The following ATAD1 variants were observed in gnomAD, a reference collection of about 807,000 sequenced individuals.
ATAD1 encodes ATPase family AAA domain containing 1.
Under a neutral mutation model 42.7 loss-of-function variants are expected in ATAD1, and 18 were observed. The observed-to-expected ratio is 0.42, with a 90% CI of 0.29 to 0.63. The LOEUF is 0.63. Ranked by LOEUF, ATAD1 falls within the 20% of genes least tolerant of loss-of-function variation. The pLI is 0.19. For synonymous variants in ATAD1, 132 were observed against 143.1 expected, an observed-to-expected ratio of 0.92 and a Z score of 0.55; for missense variants, 294 against 440.4, an observed-to-expected ratio of 0.67 and a Z score of 2.98.
chr10:87,798,271 T>A (rs1856495276), intron 2 of ATAD1, among the ~76,000 whole-genome samples: 1 of 152,120 alleles, frequency 6.6e-6, no homozygotes, highest in Non-Finnish European at 1.5e-5. Context: ...GCTCAGTTCC[T>A]CCTTTTAAGA....
chr10:87,822,774 A>G (rs1857654516), upstream of ATAD1, among the ~76,000 whole-genome samples: 1 of 152,332 alleles, frequency 6.6e-6, no homozygotes, highest in South Asian at 2.1e-4. Context: ...GCATTTTTAA[A>G]TAACTAAAAG....
chr10:87,803,796 A>G (rs1856807617), intron 2 of ATAD1, among the ~76,000 whole-genome samples: 1 of 152,268 alleles, frequency 6.6e-6, no homozygotes. Context: ...GGTTCGCAGT[A>G]CTATGGTGCT....
At position 87,792,766 on chromosome 10, in the gene ATAD1, A is replaced by T; in HGVS notation, c.163-11T>A. 1 of 1,593,386 alleles carries T rather than the reference A, an allele frequency of 6.3e-7. No homozygotes were observed. The highest frequency in any genetic ancestry group is 1.1e-5 in the South Asian group (1 of 90,656). On this transcript the variant is annotated splice_polypyrimidine_tract_variant and intron_variant, in intron 2 of 9. Coordinates refer to ENST00000680024, the MANE Select transcript of ATAD1 (RefSeq NM_001321967.2). ...CATTAGTTTTTCTGCCTAGAATGAAAAGAACAAACAACCTGCTTTGATTTG... is the reference window on the plus strand; with the variant it reads ...CATTAGTTTTTCTGCCTAGAATGAATAGAACAAACAACCTGCTTTGATTTG...
chr10:87,764,977 CAG>C (rs2131784993), intron 8 of ATAD1, among the ~76,000 whole-genome samples: 1 of 152,044 alleles, frequency 6.6e-6, no homozygotes, highest in Admixed American at 6.5e-5. Flanking sequence ...AAACAATAAT[CAG>C]AGACTTGTAC....
chr10:87,825,873 A>G lies in ATAD1; in HGVS notation c.-13-11261T>C, dbSNP rs529654072. On this transcript the variant is annotated intron_variant, in intron 1 of 4. Transcript: ENST00000495903. ...GGAGCCACCATGCCCAGCCAAGTAC[A>G]ACACATTTTTTTGTTTAATTTACTA... Among the ~76,000 whole-genome samples the G allele has an allele frequency of 1.1e-3, 165 of 152,156 alleles. 1 individual carries two copies. Among genetic ancestry groups the G allele is most frequent in the African/African-American group, 3.8e-3 (159 of 41,500 alleles).
intron 1 of ATAD1, among the ~76,000 whole-genome samples, chr10:87,840,311 C>T (rs983097247): frequency 6.6e-6 from 1 of 152,104 alleles, no homozygotes; most frequent in Non-Finnish European, 1.5e-5. Context: ...TAGTGAGACC[C>T]TGTCTCTAAA....
intron 1 of ATAD1, chr10:87,817,956 G>C: frequency 1.0e-6 from 1 of 985,598 alleles, no homozygotes; most frequent in Non-Finnish European, 1.2e-6. Flanking sequence ...AGGCCGGGCC[G>C]GACGCCAAGG....
rs751493059 is a variant in ATAD1 at position 87,752,917 on chromosome 10, G to T, written c.*1770C>A. 2 of 151,978 alleles carry T rather than the reference G, an allele frequency of 1.3e-5. No individual in the cohort carries two copies. The highest frequency in any genetic ancestry group is 1.9e-4 in the East Asian group (1 of 5,188). 9.4% of individuals were successfully genotyped at this position (151,978 alleles called of 1,614,324 possible). On this transcript the variant is annotated 3_prime_UTR_variant, in exon 10 of 10. Transcript: ENST00000680024. Reference sequence around the variant, plus strand: ...GAGGTATACATTACTCCTTATTTTCGATTAATATGTCACCAGATTAAAATT... The same window carrying T: ...GAGGTATACATTACTCCTTATTTTCTATTAATATGTCACCAGATTAAAATT...
At chr10:87,796,525 T>C (rs1167331895) in intron 2 of ATAD1, among the ~76,000 whole-genome samples, 1 of 152,234 alleles carries the variant, frequency 6.6e-6, no homozygotes, top group Non-Finnish European at 1.5e-5. Context: ...CTTACATATG[T>C]TGACTGATGT....
chr10:87,796,074 A>T (rs993309985), intron 2 of ATAD1, among the ~76,000 whole-genome samples: 1 of 152,232 alleles, frequency 6.6e-6, no homozygotes, highest in African/African-American at 2.4e-5. Flanking sequence ...TTTATATAAT[A>T]GATATAATCA....
intron 1 of ATAD1, among the ~76,000 whole-genome samples, chr10:87,825,470 C>T (rs535872033): frequency 1.7e-4 from 26 of 152,064 alleles, no homozygotes; most frequent in East Asian, 5.8e-4. Flanking sequence ...CCACCACACC[C>T]GGCTAATTTT....
chr10:87,762,996 G>A (rs137987020), intron 8 of ATAD1, among the ~76,000 whole-genome samples: 8 of 137,976 alleles, frequency 5.8e-5, no homozygotes, highest in African/African-American at 1.3e-4. Context: ...CAGGAGAATC[G>A]CTTGAACCCA....
intron 9 of ATAD1, among the ~76,000 whole-genome samples, 153 bp from the exon 10 acceptor site, chr10:87,754,960 T>C (rs1323658298): frequency 6.6e-6 from 1 of 152,210 alleles, no homozygotes; most frequent in Admixed American, 6.5e-5. Context: ...CTCTTTACCA[T>C]TCAAGACCCC....
chr10:87,756,447 C>T (rs1854225891), intron 9 of ATAD1, among the ~76,000 whole-genome samples: 1 of 152,154 alleles, frequency 6.6e-6, no homozygotes, highest in African/African-American at 2.4e-5. Context: ...TTTCTTTGTT[C>T]AGTAAATACA....
chr10:87,760,522 A>G (rs1038054998), intron 8 of ATAD1, among the ~76,000 whole-genome samples: 1 of 152,196 alleles, frequency 6.6e-6, no homozygotes, highest in African/African-American at 2.4e-5. Context: ...TAAGTTATCC[A>G]GTCTCAGGTA....
chr10:87,776,511 C>A, intron 5 of ATAD1, 84 bp from the exon 6 acceptor site: 2 of 1,133,652 alleles, frequency 1.8e-6, no homozygotes, highest in Non-Finnish European at 1.3e-6. Context: ...CTCTGTTGCC[C>A]AGGCTGGGGT....
chr10:87,766,593 G>A lies in ATAD1; in HGVS notation c.831+1080C>T, dbSNP rs1035279118. ...AGGCCAGGAGTTTGAGACCAGCCGG[G>A]CCAACATGGTGAAACCATGGTAAAA... On this transcript the variant is annotated intron_variant, in intron 8 of 9. Coordinates refer to ENST00000680024, the MANE Select transcript of ATAD1 (RefSeq NM_001321967.2). Among the ~76,000 whole-genome samples the A allele has an allele frequency of 2.0e-5, 3 of 152,138 alleles. No homozygotes were observed. In the South Asian group the frequency reaches 6.2e-4, roughly 31 times the overall value.
intron 1 of ATAD1, among the ~76,000 whole-genome samples, chr10:87,828,481 G>A (rs1208236969): frequency 6.6e-6 from 1 of 152,212 alleles, no homozygotes; most frequent in Non-Finnish European, 1.5e-5. Context: ...AGGATTTGAA[G>A]CTAGCAGAGG....
At chr10:87,808,201 T>C (rs920666856) in intron 2 of ATAD1, among the ~76,000 whole-genome samples, 1 of 152,210 alleles carries the variant, frequency 6.6e-6, no homozygotes, top group African/African-American at 2.4e-5. Flanking sequence ...ATATTATCCA[T>C]TAATAATGAC....
Sources: gnomAD v4.1 joint callset for allele counts (sites outside exome capture counted in the v4.1 genomes callset) on GRCh38, gnomAD v4.1.1 for gene constraint, MANE v1.5 for transcripts, NCBI Gene and HGNC (gene_info 2026-07-23, HGNC 2026-07-21) for gene names.